The following RNFT2 variants were observed in gnomAD, a reference collection of about 807,000 sequenced individuals.
RNFT2 encodes the protein ring finger protein, transmembrane 2.
In RNFT2, 36 loss-of-function variants were observed where a neutral mutation model predicts 53.0. That is an observed-to-expected ratio of 0.68 (90% CI 0.52 to 0.90). The LOEUF is 0.90. Among genes scored for constraint, RNFT2 ranks in the 40% least tolerant of loss-of-function variants. RNFT2 has a pLI of 0.00. For missense variants in RNFT2, 514 were observed against 585.6 expected (o/e 0.88, Z 1.26); for synonymous variants, 260 against 253.2 (o/e 1.03, Z -0.26).
intron 3 of RNFT2, chr12:116,748,734 G>A (rs777467199): frequency 3.3e-5 from 14 of 429,450 alleles, no homozygotes; most frequent in South Asian, 2.1e-4. Context: ...AGCGGTCCTT[G>A]GGATCCCGAG....
chr12:116,757,988 T>C (rs1872570792), intron 5 of RNFT2, among the ~76,000 whole-genome samples: 1 of 152,248 alleles, frequency 6.6e-6, no homozygotes, highest in African/African-American at 2.4e-5. Flanking sequence ...GTCATTGTTT[T>C]ATAAATGTGG....
intron 6 of RNFT2, among the ~76,000 whole-genome samples, chr12:116,771,998 G>A (rs1291757114): frequency 1.3e-5 from 2 of 152,180 alleles, no homozygotes; most frequent in Non-Finnish European, 2.9e-5. Flanking sequence ...GCCAGCCTCC[G>A]ATGTTTTTTA....
chr12:116,741,145 G>A, intron 3 of RNFT2, 51 bp downstream of exon 3: 17 of 1,502,698 alleles, frequency 1.1e-5, no homozygotes, highest in Non-Finnish European at 1.6e-5. Flanking sequence ...TTCGGGTGGT[G>A]AGGGGCAACC....
intron 5 of RNFT2, among the ~76,000 whole-genome samples, chr12:116,756,295 A>T (rs1287344608): frequency 6.6e-6 from 1 of 151,584 alleles, no homozygotes; most frequent in South Asian, 2.1e-4. Context: ...GTGGTTAGGT[A>T]TATTCCTAAG....
Position 116,740,393 on chromosome 12 carries a change from G to T in RNFT2, c.-105G>T. On this transcript the variant is annotated 5_prime_UTR_variant, in exon 2 of 11. Transcript: ENST00000257575. ...CCTGACTGTGCATCCCTCTGGAGAC[G>T]AAGAGGAGGGGGAGGCCTGTCCTCT... 8.7e-7 allele frequency: 1 copy of T among 1,145,416 alleles called. No individual in the cohort carries two copies. The highest frequency in any genetic ancestry group is 1.3e-5 in the South Asian group (1 of 75,526). 71.0% of individuals were successfully genotyped at this position (1,145,416 alleles called of 1,614,324 possible).
intron 4 of RNFT2, among the ~76,000 whole-genome samples, chr12:116,753,356 G>A (rs924940280): frequency 2.0e-5 from 3 of 151,832 alleles, no homozygotes; most frequent in African/African-American, 7.3e-5. Flanking sequence ...TCACCATGTT[G>A]GCCAGGCTGG....
At chr12:116,743,730 G>C (rs1871758154) in intron 3 of RNFT2, among the ~76,000 whole-genome samples, 1 of 152,154 alleles carries the variant, frequency 6.6e-6, no homozygotes, top group Admixed American at 6.5e-5. Flanking sequence ...CGACTCTGGG[G>C]TTGGCTACAG....
intron 7 of RNFT2, among the ~76,000 whole-genome samples, chr12:116,829,790 A>G (rs1876542334): frequency 6.6e-6 from 1 of 152,170 alleles, no homozygotes; most frequent in South Asian, 2.1e-4. Context: ...CATGTTGGCC[A>G]GGCTGGTCTT....
chr12:116,852,885 G>A lies in RNFT2; in HGVS notation c.*3437G>A, dbSNP rs770214964. 20 of 636,712 alleles carry A rather than the reference G, an allele frequency of 3.1e-5. No homozygotes were observed. The highest frequency in any genetic ancestry group is 5.4e-5 in the Non-Finnish European group (20 of 368,250). The allele number at this position is 636,712 out of a possible 1,614,324, so 39.4% of individuals were successfully genotyped here. ...GTAGGTTACTAGTGAATACCCCAAT[G>A]GTTTCTCCAATTATGCCCATGCCAC... On this transcript the variant is annotated 3_prime_UTR_variant, in exon 11 of 11. Coordinates refer to ENST00000257575, the MANE Select transcript of RNFT2 (RefSeq NM_001382266.1).
At chr12:116,741,199 AGAGTCACACTGATG>A in intron 3 of RNFT2, 105 bp downstream of exon 3, 1 of 836,856 alleles carries the variant, frequency 1.2e-6, no homozygotes. Flanking sequence ...GTTAGTTGTT[AGAGTCACACTGATG>A]GCCTCATACT....
chr12:116,764,166 CATA>C (rs1180023267), intron 5 of RNFT2, among the ~76,000 whole-genome samples: 1 of 152,064 alleles, frequency 6.6e-6, no homozygotes, highest in African/African-American at 2.4e-5. Flanking sequence ...GATGCAAAGG[CATA>C]AGAATGATAC....
intron 5 of RNFT2, among the ~76,000 whole-genome samples, chr12:116,762,916 A>G (rs947392073): frequency 1.3e-5 from 2 of 151,954 alleles, no homozygotes; most frequent in Non-Finnish European, 2.9e-5. Flanking sequence ...CTGGCTTGCA[A>G]AAGTTTTTTT....
At chr12:116,741,639 C>T (rs536928178) in intron 3 of RNFT2, among the ~76,000 whole-genome samples, 13 of 152,290 alleles carry the variant, frequency 8.5e-5, no homozygotes, top group Admixed American at 3.9e-4. Context: ...CCTTCCAATA[C>T]GATCAAATTA....
In RNFT2 at chr12:116,760,636, G is replaced by A. The variant is rs549670579; in HGVS notation, c.628-6178G>A. Among the ~76,000 whole-genome samples the A allele has an allele frequency of 1.6e-4, 25 of 152,336 alleles. No homozygotes were observed. In the South Asian group the frequency reaches 4.3e-3, roughly 26 times the overall value. On this transcript the variant is annotated intron_variant, in intron 5 of 10. Transcript: ENST00000257575. ...CCCCCGTGAGGGTGAGTGTTCGGGA[G>A]AGGAGGGTCTCCCTTTCCCACTTCC...
intron 7 of RNFT2, among the ~76,000 whole-genome samples, chr12:116,806,409 G>T (rs1875080141): frequency 6.7e-6 from 1 of 150,022 alleles, no homozygotes; most frequent in African/African-American, 2.5e-5. Flanking sequence ...TAGATAGATA[G>T]ATAGATAGAT....
chr12:116,795,221 C>T (rs1874447687), intron 7 of RNFT2, among the ~76,000 whole-genome samples: 1 of 152,028 alleles, frequency 6.6e-6, no homozygotes, highest in Non-Finnish European at 1.5e-5. Flanking sequence ...GCCTGGCCAA[C>T]ATGGCAAAAC....
rs775550108 is a variant in RNFT2, at chr12:116,762,406, A to AAC, written c.628-4407_628-4406insCA. 3.7e-3 allele frequency among the ~76,000 whole-genome samples: 562 copies of AAC among 151,246 alleles called. 2 individuals are homozygous for AAC. The highest frequency in any genetic ancestry group is 0.028 in the Middle Eastern group (8 of 290). ...ATGGTTTCACTCCATCTCAAAACAA[A>AAC]AAAAAAAAACAAAGAAAGAAATAGT... On this transcript the variant is annotated intron_variant, in intron 5 of 10. Transcript: ENST00000257575.
rs900956105 is a variant in RNFT2, at chr12:116,814,490, G to A, written c.883-19302G>A. ...AGGGAGTGTGCCATGTGGATATGTG[G>A]GGAAGAGGATTCCAGGCTGGGGAAA... is the stretch of plus-strand genomic sequence containing the variant. On this transcript the variant is annotated intron_variant, in intron 7 of 10. Transcript: ENST00000257575. Among the ~76,000 whole-genome samples the A allele has an allele frequency of 3.4e-4, 51 of 152,048 alleles. 1 individual carries two copies. Among genetic ancestry groups the A allele is most frequent in the Admixed American group, 3.3e-3 (50 of 15,262 alleles).
chr12:116,772,748 T>C (rs1191193797), intron 6 of RNFT2, among the ~76,000 whole-genome samples: 2 of 152,248 alleles, frequency 1.3e-5, no homozygotes, highest in Non-Finnish European at 2.9e-5. Context: ...AGTTGTAGTG[T>C]GCAGAACATG....
Sources: allele counts gnomAD v4.1 joint callset (sites outside exome capture counted in the v4.1 genomes callset), GRCh38; gene constraint gnomAD v4.1.1; transcripts MANE v1.5; gene names NCBI Gene and HGNC (gene_info 2026-07-23, HGNC 2026-07-21).